Variants in MEF2A observed in about 807,000 individuals in gnomAD.
MEF2A encodes the protein myocyte-specific enhancer factor 2A.
A neutral mutation model predicts 55.8 loss-of-function variants in MEF2A; 28 were observed. That is an observed-to-expected ratio of 0.50 (90% confidence interval 0.37 to 0.69). The LOEUF is 0.69. Among genes scored for constraint, MEF2A ranks in the 30% least tolerant of loss-of-function variants. The pLI, the probability that MEF2A is intolerant of heterozygous loss-of-function variation, is 0.00. For synonymous variants in MEF2A, 239 were observed against 227.1 expected (o/e 1.05, Z -0.47); for missense variants, 528 against 626.2 (o/e 0.84, Z 1.67).
At chr15:99,629,182 C>A (rs1274828213) in intron 2 of MEF2A, among the ~76,000 whole-genome samples, 1 of 152,124 alleles carries the variant, frequency 6.6e-6, no homozygotes, top group South Asian at 2.1e-4. Context: ...TGCCTGTAAT[C>A]CCAACACTTT....
chr15:99,651,165 A>G (rs559574499), intron 4 of MEF2A, among the ~76,000 whole-genome samples: 85 of 152,322 alleles, frequency 5.6e-4, no homozygotes, highest in Non-Finnish European at 1.0e-3. Context: ...CCACATGGTT[A>G]TAAGAGCTTG....
chr15:99,623,449 T>C (rs893711511), intron 2 of MEF2A, among the ~76,000 whole-genome samples: 1 of 152,232 alleles, frequency 6.6e-6, no homozygotes, highest in African/African-American at 2.4e-5. Context: ...ATGGCAATTC[T>C]ATATTTAATT....
chr15:99,688,815 T>A (rs1036263787), intron 7 of MEF2A, among the ~76,000 whole-genome samples: 2 of 152,128 alleles, frequency 1.3e-5, no homozygotes, highest in Admixed American at 6.5e-5. Context: ...GTTTAGGGAA[T>A]GTGAGAGCCT....
intron 5 of MEF2A, among the ~76,000 whole-genome samples, chr15:99,672,900 A>G (rs1482556899): frequency 6.6e-6 from 1 of 152,208 alleles, no homozygotes; most frequent in Non-Finnish European, 1.5e-5. Context: ...TGTCTCAGCT[A>G]CCCATGTCAT....
chr15:99,642,950 G>A (rs1478821239), intron 3 of MEF2A, among the ~76,000 whole-genome samples: 1 of 152,108 alleles, frequency 6.6e-6, no homozygotes, highest in Non-Finnish European at 1.5e-5. Context: ...GTATGTATGT[G>A]TCCATGTTTT....
intron 1 of MEF2A, among the ~76,000 whole-genome samples, chr15:99,592,479 A>G (rs1014348548): frequency 2.0e-4 from 30 of 152,164 alleles, no homozygotes; most frequent in Non-Finnish European, 8.8e-5. Flanking sequence ...TGTGCAAAAC[A>G]CACTGTGTTA....
At position 99,600,959 on chromosome 15, in the gene MEF2A, A is replaced by G. The variant is rs1035102039; in HGVS notation, c.-143+2448A>G. 2.7e-4 allele frequency among the ~76,000 whole-genome samples: 41 copies of G among 152,258 alleles called. 1 individual carries two copies. Among genetic ancestry groups the G allele is most frequent in the African/African-American group, 9.4e-4 (39 of 41,562 alleles). ...AAGCCTAACAGGATCTTGATTATGA[A>G]TGTTTTTACCCTAGAGATCAATTTG... On this transcript the variant is annotated intron_variant, in intron 2 of 11. Transcript: ENST00000557942.
chr15:99,570,281 A>G (rs1166183548), intron 1 of MEF2A, among the ~76,000 whole-genome samples: 1 of 152,212 alleles, frequency 6.6e-6, no homozygotes, highest in Non-Finnish European at 1.5e-5. Context: ...CTTCTAGTAA[A>G]TACCAACCCG....
chr15:99,634,750 C>T (rs559024129), intron 3 of MEF2A, among the ~76,000 whole-genome samples: 1 of 152,284 alleles, frequency 6.6e-6, no homozygotes, highest in South Asian at 2.1e-4. Context: ...TGCCACTAAG[C>T]AACTAGAATG....
At chr15:99,585,574 C>T (rs1966936653) in intron 1 of MEF2A, among the ~76,000 whole-genome samples, 1 of 152,136 alleles carries the variant, frequency 6.6e-6, no homozygotes, top group African/African-American at 2.4e-5. Flanking sequence ...TTTCTGATGT[C>T]TTGGACGCAG....
chr15:99,703,927 C>T (rs892702219), intron 9 of MEF2A, among the ~76,000 whole-genome samples: 3 of 152,202 alleles, frequency 2.0e-5, no homozygotes, highest in Non-Finnish European at 4.4e-5. Context: ...GTTTACTTTT[C>T]TATCAGAAGG....
At chr15:99,578,242 T>A (rs553068406) in intron 1 of MEF2A, among the ~76,000 whole-genome samples, 2 of 152,362 alleles carry the variant, frequency 1.3e-5, no homozygotes, top group South Asian at 4.1e-4. Flanking sequence ...TGAAGAAGTG[T>A]CCCTTCTCCC....
intron 1 of MEF2A, among the ~76,000 whole-genome samples, chr15:99,581,832 C>T (rs529140513): frequency 1.3e-5 from 2 of 152,066 alleles, no homozygotes; most frequent in Admixed American, 6.5e-5. Flanking sequence ...GAATGCTTCA[C>T]GGAAGGATTG....
At chr15:99,604,288 A>G (rs2153109805) in intron 2 of MEF2A, among the ~76,000 whole-genome samples, 1 of 152,146 alleles carries the variant, frequency 6.6e-6, no homozygotes, top group Non-Finnish European at 1.5e-5. Flanking sequence ...TTAGTTATAT[A>G]TTTGAAATAT....
intron 1 of MEF2A, among the ~76,000 whole-genome samples, chr15:99,581,413 T>G (rs977740999): frequency 1.4e-5 from 2 of 142,390 alleles, no homozygotes; most frequent in African/African-American, 4.9e-5. Flanking sequence ...TTATGAGCTT[T>G]CTTTTTTTTT....
intron 2 of MEF2A, chr15:99,621,019 A>G (rs2041074065): frequency 6.6e-6 from 1 of 151,536 alleles, no homozygotes; most frequent in African/African-American, 2.4e-5. Flanking sequence ...TGATATTTAT[A>G]TTTTTAGTAG....
At chr15:99,682,975 A>G (rs1407957985) in intron 7 of MEF2A, among the ~76,000 whole-genome samples, 1 of 152,202 alleles carries the variant, frequency 6.6e-6, no homozygotes, top group Non-Finnish European at 1.5e-5. Flanking sequence ...ACATTCTCAT[A>G]CTGTTAACGC....
At chr15:99,674,932 A>T (rs1349737869) in intron 6 of MEF2A, among the ~76,000 whole-genome samples, 1 of 152,180 alleles carries the variant, frequency 6.6e-6, no homozygotes, top group East Asian at 1.9e-4. Context: ...CATTCATGTT[A>T]GAAATATGGG....
At chr15:99,571,195 A>C (rs8023428) in intron 1 of MEF2A, among the ~76,000 whole-genome samples, 11,456 of 151,246 alleles carry the variant, frequency 0.076, 762 homozygotes, top group African/African-American at 0.18. Context: ...AAAAAAAAAA[A>C]AACAACAACA....
Sources: gnomAD v4.1 joint callset for allele counts (sites outside exome capture counted in the v4.1 genomes callset) on GRCh38, gnomAD v4.1.1 for gene constraint, MANE v1.5 for transcripts, NCBI Gene and HGNC (gene_info 2026-07-23, HGNC 2026-07-21) for gene names.